REEP1: variants seen among roughly 807,000 people sequenced by gnomAD.
REEP1 encodes the protein receptor accessory protein 1, also known as receptor expression-enhancing protein 1.
Under a neutral mutation model 40.3 loss-of-function variants are expected in REEP1, and 22 were observed. The observed-to-expected ratio is 0.55, with a 90% CI of 0.39 to 0.78. The LOEUF (loss-of-function observed/expected upper bound fraction) is 0.78, where lower values mean the gene tolerates loss of function less well. REEP1 is among the 30% of genes least tolerant of loss of function. The pLI is 0.00. For missense variants in REEP1, 280 were observed against 361.1 expected (o/e 0.78, Z 1.82); for synonymous variants, 116 against 139.2 (o/e 0.83, Z 1.17).
chr2:86,259,714 A>AC (rs1676756250), intron 3 of REEP1, among the ~76,000 whole-genome samples: 1 of 152,148 alleles, frequency 6.6e-6, no homozygotes. Context: ...TAAAAAAAAA[A>AC]ACTAAATGAA....
rs562418289 is a variant in REEP1, at chr2:86,325,659, G to A, written c.32+11820C>T. Among the ~76,000 whole-genome samples, 276 of 152,194 alleles carry A rather than the reference G, an allele frequency of 1.8e-3. 1 individual carries two copies. The highest frequency in any genetic ancestry group is 5.9e-3 in the African/African-American group (243 of 41,526). On this transcript the variant is annotated intron_variant, in intron 1 of 8. Transcript: ENST00000538924. Reference sequence around the variant, plus strand: ...CAGTAATGCAGCCACGAGGAATGCCGGCAGCCACCAGAAGCTGGAAGAAGC... The same window carrying A: ...CAGTAATGCAGCCACGAGGAATGCCAGCAGCCACCAGAAGCTGGAAGAAGC...
intron 1 of REEP1, among the ~76,000 whole-genome samples, chr2:86,313,689 A>C (rs2104492785): frequency 6.6e-6 from 1 of 152,302 alleles, no homozygotes; most frequent in Middle Eastern, 3.4e-3. Context: ...TTTGCTTTGA[A>C]AATACAGAAT....
In REEP1 at chr2:86,308,848, G is replaced by A. The variant is rs76846295; in HGVS notation, c.33-26606C>T. ...TAAAGAGAATTTGTGGGGAGGACAC[G>A]GGTGCAGGGAGGGTTTAGCATACAA... is the stretch of plus-strand genomic sequence containing the variant. On this transcript the variant is annotated intron_variant, in intron 1 of 8. Transcript: ENST00000538924. Among the ~76,000 whole-genome samples, 12 of 152,312 alleles carry A rather than the reference G, an allele frequency of 7.9e-5. 1 individual carries two copies. The highest frequency in any genetic ancestry group is 4.1e-4 in the South Asian group (2 of 4,826).
chr2:86,271,047 C>T (rs1677416221), intron 2 of REEP1, among the ~76,000 whole-genome samples: 1 of 150,840 alleles, frequency 6.6e-6, no homozygotes, highest in Non-Finnish European at 1.5e-5. Context: ...TAATAATTAG[C>T]TGGGCATGGT....
rs529623380 is a variant in REEP1, at chr2:86,332,581, G to A, written c.32+4898C>T. ...TTCTCCCCAGGGCTCCTCCTCCCCCGACATAATACACCCTCCAAAAAAGAT... is the reference window on the plus strand; with the variant it reads ...TTCTCCCCAGGGCTCCTCCTCCCCCAACATAATACACCCTCCAAAAAAGAT... On this transcript the variant is annotated intron_variant, in intron 1 of 8. Transcript: ENST00000538924. Among the ~76,000 whole-genome samples, 120 of 151,912 alleles carry A rather than the reference G, an allele frequency of 7.9e-4. 1 individual carries two copies. Among genetic ancestry groups the A allele is most frequent in the African/African-American group, 2.8e-3 (114 of 41,414 alleles).
chr2:86,316,486 T>G (rs1680014514), intron 1 of REEP1, among the ~76,000 whole-genome samples: 1 of 141,964 alleles, frequency 7.0e-6, no homozygotes, highest in Non-Finnish European at 1.5e-5. Context: ...AGGCAGAGGT[T>G]GCAGTGAGCC....
chr2:86,337,901 C>G, upstream of REEP1: 1 of 1,024,042 alleles, frequency 9.8e-7, no homozygotes, highest in Non-Finnish European at 1.4e-6. This position sits in a 1 kb window ranked among gnomAD's most constrained non-coding sequence, Gnocchi z 5.8. Context: ...GCTGCCCCAC[C>G]CTCAGCGTTC....
At chr2:86,248,568 T>G (rs1368396930) in intron 5 of REEP1, among the ~76,000 whole-genome samples, 2 of 152,100 alleles carry the variant, frequency 1.3e-5, no homozygotes. Context: ...CTCCTGCCTC[T>G]GCCTCCCAGG....
At chr2:86,325,413 A>G (rs1383359961) in intron 1 of REEP1, among the ~76,000 whole-genome samples, 1 of 152,208 alleles carries the variant, frequency 6.6e-6, no homozygotes, top group Non-Finnish European at 1.5e-5. Context: ...AAAGATATCC[A>G]GGTCCTAATT....
chr2:86,308,776 T>C (rs2104477955), intron 1 of REEP1, among the ~76,000 whole-genome samples: 1 of 152,318 alleles, frequency 6.6e-6, no homozygotes, highest in South Asian at 2.1e-4. Flanking sequence ...TGGTAGAGGT[T>C]CTTTTGGTTA....
At chr2:86,300,551 G>T (rs1558924373) in intron 1 of REEP1, among the ~76,000 whole-genome samples, 2 of 152,176 alleles carry the variant, frequency 1.3e-5, no homozygotes, top group Admixed American at 6.5e-5. Flanking sequence ...GAGAGAGTCA[G>T]AGAGAGTACC....
intron 3 of REEP1, among the ~76,000 whole-genome samples, chr2:86,255,454 CAGA>C (rs1216421615): frequency 3.3e-5 from 5 of 152,198 alleles, no homozygotes; most frequent in Non-Finnish European, 7.3e-5. Context: ...GTCCACGGTG[CAGA>C]TAGCACATAA....
chr2:86,258,895 C>CT (rs1676707324), intron 3 of REEP1, among the ~76,000 whole-genome samples: 1 of 152,166 alleles, frequency 6.6e-6, no homozygotes, highest in African/African-American at 2.4e-5. Context: ...CCCAGACACT[C>CT]TAGAGGGACA....
At chr2:86,255,239 A>G (rs546557468) in intron 3 of REEP1, among the ~76,000 whole-genome samples, 10 of 149,876 alleles carry the variant, frequency 6.7e-5, no homozygotes, top group Admixed American at 5.4e-4. Context: ...AGGGACAAAC[A>G]CCAGGGGGAA....
intron 2 of REEP1, among the ~76,000 whole-genome samples, chr2:86,277,941 C>T (rs1677857262): frequency 1.3e-5 from 2 of 152,232 alleles, no homozygotes; most frequent in East Asian, 3.8e-4. Context: ...AGAGATACAA[C>T]TGATCTCCCC....
intron 1 of REEP1, among the ~76,000 whole-genome samples, chr2:86,284,495 TGACCTTGG>T (rs1678282152): frequency 6.6e-6 from 1 of 152,154 alleles, no homozygotes; most frequent in African/African-American, 2.4e-5. Flanking sequence ...GGAACGCTCG[TGACCTTGG>T]GACTGAGGTC....
At chr2:86,325,983 G>C (rs1364574734) in intron 1 of REEP1, among the ~76,000 whole-genome samples, 1 of 152,114 alleles carries the variant, frequency 6.6e-6, no homozygotes, top group African/African-American at 2.4e-5. Context: ...CCCCCCGGTA[G>C]GAAGACAAAG....
At chr2:86,257,954 G>A (rs1240297343) in intron 3 of REEP1, among the ~76,000 whole-genome samples, 3 of 152,174 alleles carry the variant, frequency 2.0e-5, no homozygotes, top group East Asian at 3.9e-4. Context: ...GCATACGAGT[G>A]TATGAGCACC....
chr2:86,238,494 T>G (rs1675482046), intron 5 of REEP1, among the ~76,000 whole-genome samples: 1 of 152,206 alleles, frequency 6.6e-6, no homozygotes, highest in Non-Finnish European at 1.5e-5. Flanking sequence ...CCACTCTACT[T>G]GATACATATT....
Sources: gnomAD v4.1 joint callset for allele counts (sites outside exome capture counted in the v4.1 genomes callset) on GRCh38, gnomAD v4.1.1 for gene constraint, Gnocchi (gnomAD v3.1) non-coding constraint, MANE v1.5 for transcripts, NCBI Gene and HGNC (gene_info 2026-07-23, HGNC 2026-07-21) for gene names.